BRWD3: variants seen among roughly 807,000 people sequenced by gnomAD.
The protein encoded by BRWD3 is bromodomain and WD repeat domain containing 3.
In BRWD3, 10 loss-of-function variants were observed where a neutral mutation model predicts 149.7. That is an observed-to-expected ratio of 0.07 (90% confidence interval 0.04 to 0.11). The LOEUF (loss-of-function observed/expected upper bound fraction) is 0.11, where lower values mean the gene tolerates loss of function less well. BRWD3 is among the 10% of genes least tolerant of loss of function. The probability of loss-of-function intolerance (pLI) is 1.00; values close to 1 mark genes in which losing one functional copy is unlikely to be tolerated. For synonymous variants in BRWD3, 504 were observed against 456.7 expected (o/e 1.10, Z -1.32); for missense variants, 940 against 1,373.2 (o/e 0.68, Z 4.99).
At chrX:80,730,447 A>AAGAAAGAAAGAAAGAAAGAC (rs1555972947) in intron 12 of BRWD3, among the ~76,000 whole-genome samples, 2 of 108,551 alleles carry the variant, frequency 1.8e-5, no homozygotes, top group Non-Finnish European at 3.8e-5. Context: ...GAAAGAAAGA[A>AAGAAAGAAAGAAAGAAAGAC]AGACACAGTT....
At chrX:80,784,132 A>G (rs766708938) in intron 6 of BRWD3, among the ~76,000 whole-genome samples, 1 of 111,482 alleles carries the variant, frequency 9.0e-6, no homozygotes, top group Admixed American at 9.5e-5. Context: ...TGGGCACCTC[A>G]TTTACCTTCA....
chrX:80,801,500 G>GCAAC (rs1234445313), intron 4 of BRWD3, among the ~76,000 whole-genome samples: 3 of 108,962 alleles, frequency 2.8e-5, no homozygotes, highest in Non-Finnish European at 5.7e-5. Flanking sequence ...ACAGGCGTGA[G>GCAAC]CAACCGCGCC....
intron 8 of BRWD3, among the ~76,000 whole-genome samples, chrX:80,739,992 C>T (rs896519974): frequency 9.0e-6 from 1 of 111,379 alleles, no homozygotes; most frequent in African/African-American, 3.3e-5. Context: ...GACAGTATGT[C>T]CCAATTCCAG....
chrX:80,679,169 G>C (rs189774123), intron 40 of BRWD3, among the ~76,000 whole-genome samples: 1 of 112,154 alleles, frequency 8.9e-6, no homozygotes, highest in Non-Finnish European at 1.9e-5. Context: ...GTGGTATCTT[G>C]TTATGGAAAC....
At chrX:80,718,332 C>T (rs746372008) in intron 18 of BRWD3, among the ~76,000 whole-genome samples, 2 of 111,728 alleles carry the variant, frequency 1.8e-5, no homozygotes, top group Admixed American at 9.5e-5. Context: ...AAATAAAACA[C>T]AAATGGAAAC....
At chrX:80,800,130 TAAGAA>T (rs2074277162) in intron 4 of BRWD3, among the ~76,000 whole-genome samples, 2 of 109,062 alleles carry the variant, frequency 1.8e-5, no homozygotes, top group African/African-American at 6.7e-5. Context: ...TTGAAAAATA[TAAGAA>T]AAGTTCACAA....
chrX:80,705,219 G>A (rs1453180594), intron 22 of BRWD3, among the ~76,000 whole-genome samples: 2 of 108,359 alleles, frequency 1.8e-5, no homozygotes, highest in Non-Finnish European at 3.8e-5. Context: ...TGAGCCGAGA[G>A]TGTACCACTG....
chrX:80,798,158 T>G (rs1323585265), intron 4 of BRWD3, among the ~76,000 whole-genome samples: 1 of 111,393 alleles, frequency 9.0e-6, no homozygotes, highest in Non-Finnish European at 1.9e-5. Flanking sequence ...GAGAAACAGA[T>G]TTGATCAAAA....
intron 35 of BRWD3, 100 bp from the exon 36 acceptor site, chrX:80,685,636 G>A (rs1167349274): frequency 1.3e-5 from 8 of 627,297 alleles, no homozygotes; most frequent in Non-Finnish European, 2.1e-5. Context: ...TCCATACACT[G>A]GAATCATGTT....
intron 20 of BRWD3, among the ~76,000 whole-genome samples, chrX:80,714,653 A>G (rs1397795179): frequency 1.8e-5 from 2 of 111,751 alleles, no homozygotes; most frequent in Non-Finnish European, 3.8e-5. Context: ...GAGTCTCAGG[A>G]TCTCCTGAGG....
chrX:80,681,459 A>T lies in BRWD3; in HGVS notation c.4536T>A (p.Asp1512Glu), dbSNP rs1273947379. Residue 1512 changes from aspartate to glutamate, a missense_variant, in exon 40 of 41, where the codon GAT becomes GAA. Coordinates refer to ENST00000373275, the MANE Select transcript of BRWD3 (RefSeq NM_153252.5). ...AAGAAAATGGCCCATCTGGCTCATC[A>T]TCAAGTAGATATAGTGAAAGCCCTT... ...AAEGLSLYLL[D>E]DEPDGPFSSS... 1.7e-6 allele frequency: 2 copies of T among 1,209,379 alleles called. No individual in the cohort carries two copies. Among genetic ancestry groups the T allele is most frequent in the Non-Finnish European group, 2.2e-6 (2 of 893,687 alleles).
At chrX:80,743,945 G>A (rs2073556019) in intron 8 of BRWD3, 87 bp downstream of exon 8, 2 of 776,965 alleles carry the variant, frequency 2.6e-6, no homozygotes, top group East Asian at 3.4e-5. Flanking sequence ...TTATTCTTTG[G>A]GCTATTATCT....
chrX:80,685,680 C>A, intron 35 of BRWD3, 144 bp from the exon 36 acceptor site: 1 of 489,094 alleles, frequency 2.0e-6, no homozygotes, highest in Non-Finnish European at 3.6e-6. Context: ...AGGAATTGTA[C>A]ATTCGTCATT....
At chrX:80,736,832 A>G (rs1474319352) in intron 8 of BRWD3, among the ~76,000 whole-genome samples, 1 of 111,587 alleles carries the variant, frequency 9.0e-6, no homozygotes, top group Non-Finnish European at 1.9e-5. Flanking sequence ...AGGGAAAAGA[A>G]CAACTGAGCT....
intron 4 of BRWD3, among the ~76,000 whole-genome samples, chrX:80,803,059 G>A (rs1418924627): frequency 9.8e-6 from 1 of 101,780 alleles, no homozygotes; most frequent in Non-Finnish European, 1.9e-5. Flanking sequence ...CCGAGATTGC[G>A]CCACTGCCTT....
chrX:80,744,090 C>A lies in BRWD3; in HGVS notation c.755G>T (p.Arg252Leu). 8.3e-7 allele frequency: 1 copy of A among 1,211,255 alleles called. No homozygotes were observed. The highest frequency in any genetic ancestry group is 1.8e-5 in the South Asian group (1 of 56,990). ...AAGGACTGCAACGGGTGCACAAGTT[C>A]GAAGACACCATACTCTTACTACCTT... is the stretch of plus-strand genomic sequence containing the variant. ...CDKVVRVWCL[R>L]TCAPVAVLQG... is the part of the protein sequence containing the mutation. The change falls in exon 8 of 41, where the codon CGA (arginine) becomes CTA (leucine). Residue 252 changes from arginine to leucine, a missense_variant. Physicochemically the swap from Arg to Leu is moderately radical, Grantham distance 102. This residue lies in a region of BRWD3 where 209 missense variants were observed against 396.8 expected (regional missense o/e 0.53). Coordinates refer to ENST00000373275, the MANE Select transcript of BRWD3 (RefSeq NM_153252.5).
At position 80,793,882 on chromosome X, in the gene BRWD3, A is replaced by G. The variant is rs1291643738; in HGVS notation, c.181-110T>C. On this transcript the variant is annotated intron_variant, in intron 4 of 40. Coordinates refer to ENST00000373275, the MANE Select transcript of BRWD3 (RefSeq NM_153252.5). ...TCATTATAGAGCAAAGTACAGTTTT[A>G]AAATATGGAATCAGGCCTGGGCGCG... 2.3e-5 allele frequency: 20 copies of G among 855,353 alleles called. No homozygotes were observed. In the South Asian group the frequency reaches 4.0e-4, roughly 17 times the overall value. 70.5% of individuals were successfully genotyped at this position (855,353 alleles called of 1,213,427 possible). A position where few individuals can be genotyped will look rare whatever the true frequency, so the allele number is the denominator to read the frequency against.
intron 20 of BRWD3, among the ~76,000 whole-genome samples, chrX:80,715,362 A>G (rs188982459): frequency 1.5e-4 from 17 of 112,137 alleles, no homozygotes; most frequent in African/African-American, 5.5e-4. Context: ...CTGTTTATCA[A>G]TTATGGAAAA....
chrX:80,786,636 TC>T (rs1373931022), intron 6 of BRWD3, among the ~76,000 whole-genome samples: 1 of 111,067 alleles, frequency 9.0e-6, no homozygotes, highest in African/African-American at 3.3e-5. Flanking sequence ...TGCCTCAGCC[TC>T]CCAAGTAGCT....
Sources: gnomAD v4.1 joint callset for allele counts (sites outside exome capture counted in the v4.1 genomes callset) on GRCh38, gnomAD v4.1.1 for gene constraint, gnomAD v4.1.1 regional missense constraint, MANE v1.5 for transcripts, NCBI Gene and HGNC (gene_info 2026-07-23, HGNC 2026-07-21) for gene names.